Variants in ZDHHC15 observed in about 807,000 individuals in gnomAD.
ZDHHC15 encodes zDHHC palmitoyltransferase 15.
ZDHHC15 carries 19 observed loss-of-function variants against 31.7 expected under a neutral mutation model. The ratio of observed to expected loss-of-function variants is 0.60; its 90% confidence interval spans 0.42 to 0.88. The LOEUF is 0.88. Among genes scored for constraint, ZDHHC15 ranks in the 40% least tolerant of loss-of-function variants. The probability of loss-of-function intolerance (pLI) is 0.00; values close to 1 mark genes in which losing one functional copy is unlikely to be tolerated. For missense variants in ZDHHC15, 209 were observed against 251.2 expected, an observed-to-expected ratio of 0.83 and a Z score of 1.14; for synonymous variants, 103 against 90.0, an observed-to-expected ratio of 1.14 and a Z score of -0.82.
intron 1 of ZDHHC15, among the ~76,000 whole-genome samples, chrX:75,510,783 G>A (rs1288424981): frequency 2.7e-5 from 2 of 73,588 alleles, no homozygotes; most frequent in African/African-American, 1.0e-4. Context: ...GTGTCCATGT[G>A]ATCTCATTGT....
At chrX:75,380,583 GT>G (rs1291517222) in intron 10 of ZDHHC15, among the ~76,000 whole-genome samples, 3 of 111,288 alleles carry the variant, frequency 2.7e-5, no homozygotes, top group Non-Finnish European at 5.7e-5. Flanking sequence ...ATCAACTTTG[GT>G]TTCACTCCCA....
Position 75,497,049 on chromosome X carries a change from C to A in ZDHHC15, c.163+8772G>T, listed in dbSNP as rs746701680. Among the ~76,000 whole-genome samples, 85 of 111,252 alleles carry A rather than the reference C, an allele frequency of 7.6e-4. 1 individual carries two copies. The highest frequency in any genetic ancestry group is 9.1e-4 in the Non-Finnish European group (48 of 52,906). ...TACAAAAGATAAATAAAACAAAAAG[C>A]TAGATATTTGAAAGATAAACAAAAT... On this transcript the variant is annotated intron_variant, in intron 2 of 11. Transcript: ENST00000373367.
At chrX:75,438,523 C>T (rs1423483827) in intron 4 of ZDHHC15, among the ~76,000 whole-genome samples, 1 of 110,785 alleles carries the variant, frequency 9.0e-6, no homozygotes, top group African/African-American at 3.3e-5. Flanking sequence ...TACCTTTTTT[C>T]ACTCCTGTAC....
chrX:75,416,603 T>G (rs189956860), intron 10 of ZDHHC15, among the ~76,000 whole-genome samples: 1 of 112,014 alleles, frequency 8.9e-6, no homozygotes, highest in African/African-American at 3.2e-5. Flanking sequence ...CTCTTCCTTT[T>G]AGAAAAGTAG....
At position 75,519,358 on chromosome X, in the gene ZDHHC15, A is replaced by C. The variant is rs745796499; in HGVS notation, c.136+3531T>G. Among the ~76,000 whole-genome samples the C allele has an allele frequency of 4.7e-4, 52 of 111,471 alleles. No homozygotes were observed. The Admixed American group carries it at 5.0e-3, about 11-fold the overall frequency. On this transcript the variant is annotated intron_variant, in intron 1 of 11. Coordinates refer to ENST00000373367, the MANE Select transcript of ZDHHC15 (RefSeq NM_144969.3). ...TATAATGTGTTGTGAACTGTGATGC[A>C]TGCTTTTCAGGCATCATGTTATTTG...
chrX:75,509,173 A>T (rs188151500), intron 1 of ZDHHC15, among the ~76,000 whole-genome samples: 4,252 of 111,180 alleles, frequency 0.038, 100 homozygotes, highest in Middle Eastern at 0.06. Context: ...GACAAATGGG[A>T]TCTAATTAAA....
At chrX:75,438,651 A>T (rs759850781) in intron 4 of ZDHHC15, among the ~76,000 whole-genome samples, 43 of 111,654 alleles carry the variant, frequency 3.9e-4, no homozygotes, top group Non-Finnish European at 7.5e-4. Flanking sequence ...TAGGCCGTTT[A>T]CATTCAACAT....
chrX:75,387,372 G>T (rs1448105847), intron 10 of ZDHHC15, among the ~76,000 whole-genome samples: 1 of 111,548 alleles, frequency 9.0e-6, no homozygotes, highest in Non-Finnish European at 1.9e-5. Context: ...TGAGCCCTCT[G>T]ATCAGCAATT....
chrX:75,492,045 C>A (rs180897665), intron 2 of ZDHHC15, among the ~76,000 whole-genome samples: 45 of 111,187 alleles, frequency 4.0e-4, no homozygotes, highest in African/African-American at 1.3e-3. Context: ...TTCAGGAAAC[C>A]CATGTCATGT....
At chrX:75,489,336 C>A (rs919013728) in intron 2 of ZDHHC15, among the ~76,000 whole-genome samples, 7 of 111,867 alleles carry the variant, frequency 6.3e-5, no homozygotes, top group African/African-American at 1.9e-4. Flanking sequence ...CTGGGAGGCA[C>A]CCCCGAGTAG....
At chrX:75,435,825 G>A (rs1172694886) in intron 4 of ZDHHC15, among the ~76,000 whole-genome samples, 7 of 111,562 alleles carry the variant, frequency 6.3e-5, no homozygotes, top group African/African-American at 2.3e-4. Flanking sequence ...GTTCTTTCCT[G>A]GTTTTTGGTA....
chrX:75,518,217 C>T (rs1187532426), intron 1 of ZDHHC15, among the ~76,000 whole-genome samples: 2 of 111,009 alleles, frequency 1.8e-5, no homozygotes, highest in South Asian at 3.7e-4. Context: ...TTGCAAATAA[C>T]GTATCTGATA....
chrX:75,390,478 T>C (rs2083231259), intron 10 of ZDHHC15, among the ~76,000 whole-genome samples: 1 of 111,476 alleles, frequency 9.0e-6, no homozygotes, highest in Non-Finnish European at 1.9e-5. Flanking sequence ...GTGTTACCCC[T>C]CTCCTAGCTC....
intron 2 of ZDHHC15, among the ~76,000 whole-genome samples, chrX:75,502,497 A>C (rs2085103244): frequency 3.6e-5 from 4 of 112,228 alleles, no homozygotes; most frequent in African/African-American, 9.7e-5. Flanking sequence ...GAATGAAATC[A>C]GAAAATTTAG....
At chrX:75,510,555 T>C (rs28380645) in intron 1 of ZDHHC15, among the ~76,000 whole-genome samples, 7,384 of 100,852 alleles carry the variant, frequency 0.073, 520 homozygotes, top group African/African-American at 0.2. Flanking sequence ...TTATCTTTTG[T>C]CTTTTTATTA....
At chrX:75,428,398 CT>C (rs35094984) in intron 7 of ZDHHC15, among the ~76,000 whole-genome samples, 1 of 111,676 alleles carries the variant, frequency 9.0e-6, no homozygotes, top group Non-Finnish European at 1.9e-5. Flanking sequence ...GATGAAATAA[CT>C]TTTTTTGAGA....
chrX:75,397,361 G>A (rs1293068297), intron 10 of ZDHHC15, among the ~76,000 whole-genome samples: 1 of 110,245 alleles, frequency 9.1e-6, no homozygotes, highest in Non-Finnish European at 1.9e-5. Context: ...ACAAGATTTA[G>A]TATTTTAAAA....
rs1212474684 is a variant in ZDHHC15 at position 75,391,072 on chromosome X, A to G, written c.968-11874T>C. On this transcript the variant is annotated intron_variant, in intron 10 of 11. Transcript: ENST00000373367. ...AGAAATTCTTGAGCTGAAAAATTCA[A>G]TTGAATACTGACGAATGCAAAACGG... 2.7e-5 allele frequency among the ~76,000 whole-genome samples: 3 copies of G among 112,184 alleles called. No homozygotes were observed. In the Admixed American group the frequency reaches 2.8e-4, roughly 11 times the overall value.
chrX:75,452,678 C>A (rs1602649974), intron 3 of ZDHHC15, among the ~76,000 whole-genome samples: 1 of 111,950 alleles, frequency 8.9e-6, no homozygotes, highest in Non-Finnish European at 1.9e-5. Flanking sequence ...GAAATCATAA[C>A]AAACTGTCTC....
Sources: gnomAD v4.1 joint callset for allele counts (sites outside exome capture counted in the v4.1 genomes callset) on GRCh38, gnomAD v4.1.1 for gene constraint, MANE v1.5 for transcripts, NCBI Gene and HGNC (gene_info 2026-07-23, HGNC 2026-07-21) for gene names.